Variants in BAIAP3 observed in about 807,000 individuals in gnomAD.
BAIAP3 encodes BAI1 associated protein 3, also known as BAI1-associated protein 3.
Under a neutral mutation model 149.7 loss-of-function variants are expected in BAIAP3, and 180 were observed. The observed-to-expected ratio is 1.20, with a 90% CI of 1.07 to 1.36. The LOEUF is 1.36. Among genes scored for constraint, BAIAP3 ranks in the 40% most tolerant of loss-of-function variants. The pLI, the probability that BAIAP3 is intolerant of heterozygous loss-of-function variation, is 0.00. For missense variants in BAIAP3, 1,767 were observed against 1,563.4 expected, an observed-to-expected ratio of 1.13 and a Z score of -2.20; for synonymous variants, 845 against 670.7, an observed-to-expected ratio of 1.26 and a Z score of -4.02.
Position 1,344,586 on chromosome 16 carries a change from T to C in BAIAP3, c.1660-15T>C, listed in dbSNP as rs2141600547. On this transcript the variant is annotated splice_polypyrimidine_tract_variant and intron_variant, in intron 18 of 33. Coordinates refer to ENST00000426824, the MANE Select transcript of BAIAP3 (RefSeq NM_001199097.2). ...GGGCAGCCGAGAGGTGGGTACGAGC[T>C]AGGCTTCCTTGCAGCCAGGACCACA... The C allele has an allele frequency of 6.2e-7, 1 of 1,612,794 alleles. No individual in the cohort carries two copies. The highest frequency in any genetic ancestry group is 2.2e-5 in the East Asian group (1 of 44,880).
In BAIAP3 at chr16:1,338,559, T is replaced by A. The variant is rs1318498006; in HGVS notation, c.10T>A (p.Leu4Met). 6 of 1,605,294 alleles carry A rather than the reference T, an allele frequency of 3.7e-6. No individual in the cohort carries two copies. In the South Asian group the frequency reaches 6.6e-5, roughly 18 times the overall value. The change falls in exon 2 of 34, where the codon TTG becomes ATG. Residue 4 changes from leucine (L) to methionine (M), a missense_variant. Coordinates refer to ENST00000426824, the MANE Select transcript of BAIAP3 (RefSeq NM_001199097.2). ...CTGTAGGTCACCCGCCATGTCGACC[T>A]TGCTGGACATTAAGAGCAGCGTGCT... is the stretch of plus-strand genomic sequence containing the variant. MST[L>M]LDIKSSVLRQ...
rs115464555 is a variant in BAIAP3, at chr16:1,337,246, T to G, written c.-10-1294T>G. Among the ~76,000 whole-genome samples the G allele has an allele frequency of 4.7e-3, 720 of 152,326 alleles. 7 individuals are homozygous for G. Among genetic ancestry groups the G allele is most frequent in the African/African-American group, 0.016 (683 of 41,574 alleles). On this transcript the variant is annotated intron_variant, in intron 1 of 33. Transcript: ENST00000426824. ...CTGACACAGGTGGGCTGGGCGGTGCTGGCTCATGCCTGTAATCCCAGCACT... is the reference window on the plus strand; with the variant it reads ...CTGACACAGGTGGGCTGGGCGGTGCGGGCTCATGCCTGTAATCCCAGCACT...
Position 1,338,699 on chromosome 16 carries a change from A to G in BAIAP3, c.131+19A>G, listed in dbSNP as rs2033644330. 6.4e-7 allele frequency: 1 copy of G among 1,567,868 alleles called. No individual in the cohort carries two copies. The highest frequency in any genetic ancestry group is 1.4e-5 in the African/African-American group (1 of 73,932). ...GGGCCTGGTGGGTGCCGAGGGGCCC[A>G]GCCCCACACGCCCACAGGGCCATTT... On this transcript the variant is annotated intron_variant, in intron 2 of 33. Coordinates refer to ENST00000426824, the MANE Select transcript of BAIAP3 (RefSeq NM_001199097.2).
At chr16:1,344,179 G>T in intron 16 of BAIAP3, 33 bp downstream of exon 16, 1 of 1,612,284 alleles carries the variant, frequency 6.2e-7, no homozygotes. Flanking sequence ...GCGTGGGTGG[G>T]GGCGGCTGGC....
chr16:1,336,014 C>T (rs1229069003), intron 1 of BAIAP3, among the ~76,000 whole-genome samples: 1 of 152,162 alleles, frequency 6.6e-6, no homozygotes, highest in African/African-American at 2.4e-5. Context: ...GGGAGGGTAC[C>T]GAGCCCCCTT....
Position 1,346,622 on chromosome 16 carries a change from G to A in BAIAP3, c.2580G>A (p.Met860Ile). 6.7e-7 allele frequency: 1 copy of A among 1,483,036 alleles called. No homozygotes were observed. The highest frequency in any genetic ancestry group is 9.0e-7 in the Non-Finnish European group (1 of 1,106,070). 91.9% of individuals were successfully genotyped at this position (1,483,036 alleles called of 1,614,324 possible). A position where few individuals can be genotyped will look rare whatever the true frequency, so the allele number is the denominator to read the frequency against. ...IQNDEAVAPL[M>I]KYLDEKLALL... ...GCCCGCAGGCCGTGGCCCCGCTCAT[G>A]AAGTACCTGGATGAGAAGCTGGCCC... The change falls in exon 27 of 34, where the codon ATG (methionine) becomes ATA (isoleucine). Residue 860 changes from methionine to isoleucine, a missense_variant. Transcript: ENST00000426824.
chr16:1,338,321 G>A (rs1233107674), intron 1 of BAIAP3, among the ~76,000 whole-genome samples: 2 of 152,106 alleles, frequency 1.3e-5, no homozygotes, highest in East Asian at 1.9e-4. Flanking sequence ...CCCTGAAGCC[G>A]CCCTGCAGGG....
rs773919114 is a variant in BAIAP3, at chr16:1,344,813, C to T, written c.1773C>T (p.Asp591=). ...TGCTCTGCAGCATCCTCAATGTGGA[C>T]GTCTTCACCCTGACCTTCCGGCAGC... is the stretch of plus-strand genomic sequence containing the variant. ...ASLFHSILNV[D]VFTLTFRQLE... Residue 591 remains aspartate (D), a synonymous_variant, in exon 20 of 34, where the codon GAC becomes GAT. Transcript: ENST00000426824. 44 of 1,613,814 alleles carry T rather than the reference C, an allele frequency of 2.7e-5. No homozygotes were observed. The highest frequency in any genetic ancestry group is 5.0e-5 in the Admixed American group (3 of 60,020).
At chr16:1,340,839 G>A (rs559531291) in intron 5 of BAIAP3, 83 bp from the exon 6 acceptor site, 19 of 1,440,232 alleles carry the variant, frequency 1.3e-5, no homozygotes, top group East Asian at 2.5e-5. Context: ...TGTCTGTGAC[G>A]GGCTGAGCCC....
intron 11 of BAIAP3, 109 bp from the exon 12 acceptor site, chr16:1,342,418 C>A: frequency 7.3e-7 from 1 of 1,366,332 alleles, no homozygotes; most frequent in Non-Finnish European, 1.0e-6. Flanking sequence ...CACCCTCATT[C>A]CCCGGAGAAG....
chr16:1,346,847 G>C lies in BAIAP3; in HGVS notation c.2643G>C (p.Arg881Ser), dbSNP rs751921063. The change falls in exon 28 of 34, where the codon AGG becomes AGC. Residue 881 changes from arginine to serine, a missense_variant and splice_region_variant. Coordinates refer to ENST00000426824, the MANE Select transcript of BAIAP3 (RefSeq NM_001199097.2). ...CGTGGTCACTGATGCTGCCCTGCAG[G>C]GTGCTGGAGGCCCTGTGGGAGCTAC... ...NASLVKGNLS[R>S]VLEALWELLL... 14 of 1,593,922 alleles carry C rather than the reference G, an allele frequency of 8.8e-6. No individual in the cohort carries two copies. Among genetic ancestry groups the C allele is most frequent in the African/African-American group, 1.3e-5 (1 of 74,684 alleles).
intron 11 of BAIAP3, 115 bp downstream of exon 11, chr16:1,342,398 G>C (rs1567164255): frequency 7.2e-7 from 1 of 1,380,530 alleles, no homozygotes; most frequent in South Asian, 1.3e-5. Flanking sequence ...CCTCCACTGA[G>C]TGCGCTTGTC....
At chr16:1,343,971 T>C in intron 15 of BAIAP3, 51 bp from the exon 16 acceptor site, 1 of 1,605,692 alleles carries the variant, frequency 6.2e-7, no homozygotes, top group Non-Finnish European at 8.5e-7. Flanking sequence ...ATGTTTCTCC[T>C]CATCAGTGGC....
At chr16:1,343,326 A>T in intron 14 of BAIAP3, 67 bp from the exon 15 acceptor site, 1 of 1,545,462 alleles carries the variant, frequency 6.5e-7, no homozygotes, top group Non-Finnish European at 8.7e-7. Flanking sequence ...GTAGTGCTGT[A>T]GGCGGTGCTG....
At chr16:1,343,863 G>A (rs556213425) in intron 15 of BAIAP3, among the ~76,000 whole-genome samples, 159 bp from the exon 16 acceptor site, 1 of 123,384 alleles carries the variant, frequency 8.1e-6, no homozygotes, top group South Asian at 2.5e-4. Context: ...GGGACAGGCC[G>A]TCTGGGACAG....
intron 1 of BAIAP3, chr16:1,336,402 G>A (rs1165673529): frequency 3.0e-6 from 3 of 985,086 alleles, no homozygotes; most frequent in Non-Finnish European, 3.6e-6. Context: ...TGAAGGAGGT[G>A]AGTCCCCCCC....
rs1211034673 is a variant in BAIAP3 at position 1,343,583 on chromosome 16, C to T, written c.1386+70C>T. Reference sequence around the variant, plus strand: ...GCTGGGGACTGGGGTCGCTCAGTGCCGGTCGGCGAGGGGCAGAGTCCTGCC... The same window carrying T: ...GCTGGGGACTGGGGTCGCTCAGTGCTGGTCGGCGAGGGGCAGAGTCCTGCC... On this transcript the variant is annotated intron_variant, in intron 15 of 33. Transcript: ENST00000426824. 5.1e-6 allele frequency: 8 copies of T among 1,568,426 alleles called. No individual in the cohort carries two copies. In the African/African-American group the frequency reaches 5.4e-5, roughly 11 times the overall value.
chr16:1,333,963 C>T (rs1336320749), intron 1 of BAIAP3, among the ~76,000 whole-genome samples: 1 of 152,054 alleles, frequency 6.6e-6, no homozygotes, highest in Non-Finnish European at 1.5e-5. Flanking sequence ...GGCGGGGTCT[C>T]GGGGGCATTT....
In BAIAP3 at chr16:1,340,969, G is replaced by A. The variant is rs2141584070; in HGVS notation, c.456G>A (p.Val152=). Residue 152 remains valine (V), a synonymous_variant, in exon 6 of 34, where the codon GTG becomes GTA. Transcript: ENST00000426824. ...AGCACACTGAGGCCATCGAGCGAGT[G>A]AGGAAGGCCAAGGTGAGGCCGCCAC... ...LEEHTEAIER[V]RKAKAPTYAL... is the part of the protein sequence containing the mutation. The A allele has an allele frequency of 6.3e-7, 1 of 1,594,754 alleles. No individual in the cohort carries two copies. Among genetic ancestry groups the A allele is most frequent in the East Asian group, 2.3e-5 (1 of 43,802 alleles).
Sources: gnomAD v4.1 joint callset for allele counts (sites outside exome capture counted in the v4.1 genomes callset) on GRCh38, gnomAD v4.1.1 for gene constraint, MANE v1.5 for transcripts, NCBI Gene and HGNC (gene_info 2026-07-23, HGNC 2026-07-21) for gene names.